The following JAK2 variants were observed in gnomAD, a reference collection of about 807,000 sequenced individuals.
JAK2 encodes the protein Janus kinase 2.
A neutral mutation model predicts 139.3 loss-of-function variants in JAK2; 86 were observed. That is an observed-to-expected ratio of 0.62 (90% CI 0.52 to 0.74). JAK2 has a LOEUF of 0.74. Among genes scored for constraint, JAK2 ranks in the 30% least tolerant of loss-of-function variants. JAK2 has a pLI of 0.00. For missense variants in JAK2, 1,421 were observed against 1,360.3 expected (o/e 1.04, Z -0.70); for synonymous variants, 490 against 437.7 (o/e 1.12, Z -1.49).
chr9:5,108,669 C>T (rs1388941430), intron 22 of JAK2: 20 of 152,038 alleles, frequency 1.3e-4, no homozygotes, highest in Admixed American at 1.1e-3. Context: ...TACCCTTATC[C>T]TCAGCCCCCT....
intron 4 of JAK2, among the ~76,000 whole-genome samples, chr9:5,037,624 G>C (rs1816155248): frequency 1.3e-5 from 2 of 152,062 alleles, no homozygotes. Context: ...ACCAAACACT[G>C]CATGTTCTCA....
chr9:5,059,424 G>A (rs1818000467), intron 8 of JAK2, among the ~76,000 whole-genome samples: 1 of 152,144 alleles, frequency 6.6e-6, no homozygotes, highest in African/African-American at 2.4e-5. Context: ...GGGTAGTATT[G>A]AATTGTTTGA....
chr9:5,078,253 G>C (rs556256869), intron 15 of JAK2, 53 bp from the exon 16 acceptor site: 1 of 1,442,928 alleles, frequency 6.9e-7, no homozygotes, highest in Non-Finnish European at 9.6e-7. Context: ...CATACTAAAT[G>C]CTCCAGTACT....
intron 13 of JAK2, among the ~76,000 whole-genome samples, 170 bp from the exon 14 acceptor site, chr9:5,073,528 G>A (rs541814950): frequency 5.0e-4 from 76 of 152,248 alleles, no homozygotes; most frequent in Admixed American, 3.3e-4. Context: ...TCCTCAGAAC[G>A]TTGATGGCAG....
At chr9:5,086,296 T>C (rs535012996) in intron 19 of JAK2, among the ~76,000 whole-genome samples, 105 of 152,290 alleles carry the variant, frequency 6.9e-4, no homozygotes, top group African/African-American at 2.4e-3. Flanking sequence ...ACCTGGAGCC[T>C]GAAACCTCTT....
chr9:5,124,366 C>T (rs764566504), intron 23 of JAK2, among the ~76,000 whole-genome samples: 6 of 151,394 alleles, frequency 4.0e-5, no homozygotes, highest in Non-Finnish European at 8.9e-5. Flanking sequence ...AGTCTGTAAT[C>T]GATCGAGTTA....
chr9:5,121,718 GAACA>G (rs1430843809), intron 22 of JAK2, among the ~76,000 whole-genome samples: 2 of 152,156 alleles, frequency 1.3e-5, no homozygotes. Context: ...AATGCTCTAA[GAACA>G]AAGAAGGAGG....
chr9:5,019,606 C>A (rs1194165003), intron 2 of JAK2, among the ~76,000 whole-genome samples: 2 of 152,078 alleles, frequency 1.3e-5, no homozygotes, highest in Non-Finnish European at 2.9e-5. Flanking sequence ...TCCCTATGTT[C>A]CCATGTTTCT....
intron 2 of JAK2, among the ~76,000 whole-genome samples, chr9:4,989,095 A>C (rs1424626508): frequency 2.0e-5 from 3 of 152,090 alleles, no homozygotes; most frequent in African/African-American, 7.2e-5. Context: ...CTTGCCCCAA[A>C]ACCTTCAGTG....
intron 22 of JAK2, chr9:5,108,516 T>G (rs1194070201): frequency 6.6e-6 from 1 of 152,136 alleles, no homozygotes; most frequent in Non-Finnish European, 1.5e-5. Flanking sequence ...ATGACTAGCA[T>G]GTATTATGGC....
intron 22 of JAK2, among the ~76,000 whole-genome samples, chr9:5,106,231 G>T (rs1006936064): frequency 1.1e-4 from 16 of 152,070 alleles, no homozygotes; most frequent in African/African-American, 3.9e-4. Flanking sequence ...TCAAAAAGTG[G>T]GCAAAGGATA....
At chr9:5,113,736 C>G (rs13288929) in intron 22 of JAK2, 1 of 167,168 alleles carries the variant, frequency 6.0e-6, no homozygotes, top group Non-Finnish European at 1.4e-5. Flanking sequence ...CTCACGCCCT[C>G]TGGCCATTAC....
At chr9:4,988,147 C>G (rs1371267227) in intron 2 of JAK2, among the ~76,000 whole-genome samples, 2 of 152,174 alleles carry the variant, frequency 1.3e-5, no homozygotes, top group Admixed American at 6.5e-5. Context: ...TCTCCCATTA[C>G]ATTTCCCACC....
chr9:5,052,335 T>A (rs924410976), intron 6 of JAK2, among the ~76,000 whole-genome samples: 1 of 152,110 alleles, frequency 6.6e-6, no homozygotes, highest in Non-Finnish European at 1.5e-5. Context: ...GACTATTTAG[T>A]AACTATTTAT....
chr9:5,004,471 CT>C (rs1253412531), intron 2 of JAK2, among the ~76,000 whole-genome samples: 4 of 152,048 alleles, frequency 2.6e-5, no homozygotes, highest in African/African-American at 4.8e-5. Context: ...AGATTTTCTT[CT>C]TTTTTTAAGG....
At chr9:5,072,339 G>A (rs1819010553) in intron 12 of JAK2, among the ~76,000 whole-genome samples, 153 bp from the exon 13 acceptor site, 1 of 152,174 alleles carries the variant, frequency 6.6e-6, no homozygotes, top group South Asian at 2.1e-4. Context: ...CAGAATAAAA[G>A]CATTAATTTG....
intron 22 of JAK2, chr9:5,112,658 A>G: frequency 1.0e-6 from 1 of 972,928 alleles, no homozygotes; most frequent in Non-Finnish European, 1.4e-6. Context: ...CAAACTCCTT[A>G]TCCTGCACCA....
intron 19 of JAK2, among the ~76,000 whole-genome samples, chr9:5,082,286 A>C (rs1819757728): frequency 6.6e-6 from 1 of 152,232 alleles, no homozygotes; most frequent in Non-Finnish European, 1.5e-5. Context: ...AAGGTCAGCA[A>C]GAAAACATGT....
chr9:5,013,652 G>A (rs912123328), intron 2 of JAK2, among the ~76,000 whole-genome samples: 32 of 151,966 alleles, frequency 2.1e-4, no homozygotes, highest in Non-Finnish European at 1.2e-4. Context: ...TTCATTACTT[G>A]TCAAAATTCT....
Sources: allele counts gnomAD v4.1 joint callset (sites outside exome capture counted in the v4.1 genomes callset), GRCh38; gene constraint gnomAD v4.1.1; transcripts MANE v1.5; gene names NCBI Gene and HGNC (gene_info 2026-07-23, HGNC 2026-07-21).